Variants in NOL8 observed in about 807,000 individuals in gnomAD.
The protein encoded by NOL8 is nucleolar protein Nop132.
Under a neutral mutation model 116.1 loss-of-function variants are expected in NOL8, and 93 were observed. That is an observed-to-expected ratio of 0.80 (90% confidence interval 0.68 to 0.95). The LOEUF is 0.95. NOL8 is among the 40% of genes least tolerant of loss of function. The probability of loss-of-function intolerance (pLI) is 0.00; values close to 1 mark genes in which losing one functional copy is unlikely to be tolerated. For synonymous variants in NOL8, 419 were observed against 469.0 expected (o/e 0.89, Z 1.38); for missense variants, 1,291 against 1,382.8 (o/e 0.93, Z 1.05).
chr9:92,306,904 A>G lies in NOL8; in HGVS notation c.2807T>C (p.Val936Ala). The change falls in exon 11 of 17, where the codon GTA becomes GCA. Residue 936 changes from valine to alanine, a missense_variant. Coordinates refer to ENST00000442668, the MANE Select transcript of NOL8 (RefSeq NM_017948.6). ...AACATACTTAAATTTCTTAGCAGCT[A>G]CTGATCCTCTGTTTGTAGAATTGCT... ...NLSNSTNRGS[V>A]AAKKFKDIIH... 1.9e-6 allele frequency: 3 copies of G among 1,612,906 alleles called. No individual in the cohort carries two copies. The highest frequency in any genetic ancestry group is 2.5e-6 in the Non-Finnish European group (3 of 1,179,364).
At position 92,300,431 on chromosome 9, in the gene NOL8, A is replaced by T. The variant is rs1467439212; in HGVS notation, c.3176-415T>A. 2.4e-5 allele frequency: 24 copies of T among 988,390 alleles called. No individual in the cohort carries two copies. In the Admixed American group the frequency reaches 3.6e-4, roughly 15 times the overall value. The allele number at this position is 988,390 out of a possible 1,614,324, so 61.2% of individuals were successfully genotyped here. On this transcript the variant is annotated intron_variant, in intron 13 of 16. Transcript: ENST00000442668. ...TAAATGAGAAAAGGAATATATCTTT[A>T]CATTTTCAATACCCAAAACTTTTTG...
At chr9:92,318,515 C>CA (rs1234498847) in intron 6 of NOL8, 103 bp downstream of exon 6, 1 of 837,898 alleles carries the variant, frequency 1.2e-6, no homozygotes, top group Non-Finnish European at 1.9e-6. Context: ...AACACGCAAA[C>CA]AAACACCTAA....
intron 16 of NOL8, 141 bp from the exon 17 acceptor site, chr9:92,298,027 A>G (rs1480188925): frequency 1.3e-6 from 1 of 778,758 alleles, no homozygotes; most frequent in African/African-American, 1.8e-5. Flanking sequence ...AAGAGGGGAT[A>G]TTGGCATTTT....
intron 6 of NOL8, among the ~76,000 whole-genome samples, chr9:92,317,408 G>T (rs1402089354): frequency 3.9e-5 from 6 of 152,186 alleles, no homozygotes; most frequent in Non-Finnish European, 8.8e-5. Context: ...TGGAAAGCTG[G>T]AAAGTGGAAA....
Position 92,301,683 on chromosome 9 carries a change from G to C in NOL8, c.3043C>G (p.Pro1015Ala), listed in dbSNP as rs1837758011. The change falls in exon 13 of 17, where the codon CCC becomes GCC. Residue 1015 changes from proline to alanine, a missense_variant. Physicochemically the swap from Pro to Ala is conservative, Grantham distance 27. Transcript: ENST00000442668. ...KYTSEKEEGT[P>A]WNEDCGKEKP... Reference sequence around the variant, plus strand: ...TCTTTACCACAGTCCTCATTCCAGGGTGTGCCCTCTTCCTTTTCACTGGTA... The same window carrying C: ...TCTTTACCACAGTCCTCATTCCAGGCTGTGCCCTCTTCCTTTTCACTGGTA... 1 of 1,607,446 alleles carries C rather than the reference G, an allele frequency of 6.2e-7. No homozygotes were observed.
In NOL8 at chr9:92,315,094, G is replaced by C; in HGVS notation, c.1531C>G (p.Pro511Ala). Residue 511 changes from proline (P) to alanine (A), a missense_variant, in exon 7 of 17, where the codon CCA becomes GCA. Pro to Ala is a conservative substitution (Grantham distance 27). Transcript: ENST00000442668. ...VPNEDTKSDGPETTTQCKFDR... is the reference protein window; with the variant it reads ...VPNEDTKSDGAETTTQCKFDR... ...AACTTGCATTGGGTGGTGGTTTCTGGTCCATCACTCTTAGTATCTTCATTT... is the reference window on the plus strand; with the variant it reads ...AACTTGCATTGGGTGGTGGTTTCTGCTCCATCACTCTTAGTATCTTCATTT... 1 of 1,613,972 alleles carries C rather than the reference G, an allele frequency of 6.2e-7. No homozygotes were observed. The highest frequency in any genetic ancestry group is 8.5e-7 in the Non-Finnish European group (1 of 1,179,888).
At chr9:92,325,255 G>C (rs1646220131) in intron 1 of NOL8, 51 bp downstream of exon 1, 1 of 152,252 alleles carries the variant, frequency 6.6e-6, no homozygotes, top group Non-Finnish European at 1.5e-5. Flanking sequence ...GAAGTGAAGA[G>C]AGACTAGGAA....
Position 92,306,889 on chromosome 9 carries a change from A to C in NOL8, c.2822T>G (p.Phe941Cys). 6.2e-7 allele frequency: 1 copy of C among 1,611,336 alleles called. No individual in the cohort carries two copies. Among genetic ancestry groups the C allele is most frequent in the Non-Finnish European group, 8.5e-7 (1 of 1,178,802 alleles). ...TGGGATGGAACATAAAACATACTTA[A>C]ATTTCTTAGCAGCTACTGATCCTCT... ...TNRGSVAAKKFKDIIHYDPTK... is the reference protein window; with the variant it reads ...TNRGSVAAKKCKDIIHYDPTK... Residue 941 changes from phenylalanine to cysteine, a missense_variant, in exon 11 of 17, where the codon TTT (phenylalanine) becomes TGT (cysteine). By Grantham distance (205) the Phe-to-Cys change is radical. Transcript: ENST00000442668.
At chr9:92,298,185 C>T (rs1158663505) in intron 16 of NOL8, 72 bp downstream of exon 16, 42 of 1,173,638 alleles carry the variant, frequency 3.6e-5, no homozygotes, top group Middle Eastern at 3.8e-4. Flanking sequence ...TCATGAGTTC[C>T]CTTCCAGGAC....
chr9:92,299,892 A>G lies in NOL8; in HGVS notation c.3300T>C (p.Pro1100=), dbSNP rs1396511084. 1 of 1,613,044 alleles carries G rather than the reference A, an allele frequency of 6.2e-7. No homozygotes were observed. The change falls in exon 14 of 17, where the codon CCT becomes CCC. Residue 1100 remains proline (P), a splice_region_variant and synonymous_variant. Coordinates refer to ENST00000442668, the MANE Select transcript of NOL8 (RefSeq NM_017948.6). Reference sequence around the variant, plus strand: ...CTGCAAAGAAACAAATTGTTTACCCAGGACTGGAGTTTCTGTGATCTGTTT... The same window carrying G: ...CTGCAAAGAAACAAATTGTTTACCCGGGACTGGAGTTTCTGTGATCTGTTT... ...TEETDHRNSS[P]GEASLLEKET...
At chr9:92,312,851 A>G (rs893011328) in intron 7 of NOL8, among the ~76,000 whole-genome samples, 4 of 150,784 alleles carry the variant, frequency 2.7e-5, no homozygotes, top group Non-Finnish European at 5.9e-5. Context: ...AAAAAAAAGA[A>G]AAGAAAAACC....
intron 6 of NOL8, among the ~76,000 whole-genome samples, chr9:92,318,033 CAAAAAAAAAAAA>C (rs745928872): frequency 2.9e-5 from 1 of 34,612 alleles, no homozygotes; most frequent in East Asian, 9.9e-4. Flanking sequence ...GACTCCATCT[CAAAAAAAAAAAA>C]AAAAAAAAAA....
Position 92,314,353 on chromosome 9 carries a change from T to C in NOL8, c.2272A>G (p.Asn758Asp). 6.2e-7 allele frequency: 1 copy of C among 1,612,578 alleles called. No individual in the cohort carries two copies. Among genetic ancestry groups the C allele is most frequent in the Non-Finnish European group, 8.5e-7 (1 of 1,178,714 alleles). The stretch of plus-strand genomic sequence containing the variant: ...TCCAAGGCTGCCAAACGCTTCTCAT[T>C]GTCTTCAGCATGCTTATCTTTAGCA... ...VSAKDKHAED[N>D]EKRLAALEAR... The change falls in exon 7 of 17, where the codon AAT becomes GAT. Residue 758 changes from asparagine (N) to aspartate (D), a missense_variant. Asn to Asp is a conservative substitution (Grantham distance 23). Coordinates refer to ENST00000442668, the MANE Select transcript of NOL8 (RefSeq NM_017948.6).
chr9:92,318,618 T>C lies in NOL8; in HGVS notation c.486A>G (p.Lys162=), dbSNP rs369263281. 1.8e-5 allele frequency: 28 copies of C among 1,597,844 alleles called. No homozygotes were observed. Among genetic ancestry groups the C allele is most frequent in the African/African-American group, 2.7e-5 (2 of 74,306 alleles). The change falls in exon 6 of 17, where the codon AAA becomes AAG. Residue 162 remains lysine (K), a splice_region_variant and synonymous_variant. Transcript: ENST00000442668. ...VLHLKNQHKR[K]IIKYDPSKYC... is the part of the protein sequence containing the mutation. ...ATTATGTTGAGAGGCCAAAGGATAT[T>C]TTACGTTTATGTTGATTTTTAAGGT...
rs35121624 is a variant in NOL8 at position 92,297,891 on chromosome 9, G to GA, written c.3454-6dup. 4,432 of 1,351,302 alleles carry GA rather than the reference G, an allele frequency of 3.3e-3. 1 individual carries two copies. The highest frequency in any genetic ancestry group is 5.2e-3 in the Admixed American group (206 of 39,574). 83.7% of individuals were successfully genotyped at this position (1,351,302 alleles called of 1,614,324 possible). A position where few individuals can be genotyped will look rare whatever the true frequency, so the allele number is the denominator to read the frequency against. On this transcript the variant is annotated splice_region_variant and splice_polypyrimidine_tract_variant and intron_variant, in intron 16 of 16. Coordinates refer to ENST00000442668, the MANE Select transcript of NOL8 (RefSeq NM_017948.6). ...TTTATGTTTCTTTCGACAATCCTAGGAAAAAAAAAAGACTTGGTTAGCAAT... is the reference window on the plus strand; with the variant it reads ...TTTATGTTTCTTTCGACAATCCTAGGAAAAAAAAAAAGACTTGGTTAGCAAT...
chr9:92,314,294 C>T lies in NOL8; in HGVS notation c.2331G>A (p.Lys777=), dbSNP rs756208415. The T allele has an allele frequency of 3.8e-6, 6 of 1,590,910 alleles. No homozygotes were observed. The East Asian group carries it at 1.4e-4, about 36-fold the overall frequency. Residue 777 remains lysine, a synonymous_variant, in exon 7 of 17, where the codon AAG becomes AAA. Transcript: ENST00000442668. ...ARQKAKEVQK[K]LVHNALANLD... is the part of the protein sequence containing the mutation. ...AATTTGCCAGAGCATTATGCACCAGCTTCTTCTGCACTTCTTTTGCTTTTT... is the reference window on the plus strand; with the variant it reads ...AATTTGCCAGAGCATTATGCACCAGTTTCTTCTGCACTTCTTTTGCTTTTT...
In NOL8 at chr9:92,314,723, C is replaced by T. The variant is rs1456669184; in HGVS notation, c.1902G>A (p.Lys634=). 3.7e-6 allele frequency: 6 copies of T among 1,613,706 alleles called. No homozygotes were observed. In the East Asian group the frequency reaches 1.3e-4, roughly 36 times the overall value. The change falls in exon 7 of 17, where the codon AAG becomes AAA. Residue 634 remains lysine (K), a synonymous_variant. Coordinates refer to ENST00000442668, the MANE Select transcript of NOL8 (RefSeq NM_017948.6). ...GAATATAGTTTGGGCCATTCGCCTT[C>T]TTTGCATGTTGGCATGGAGTCACTT... The part of the protein sequence containing the change: ...LGEVTPCQHA[K]KANGPNYIQP...
chr9:92,319,714 C>T (rs1020920292), intron 4 of NOL8, among the ~76,000 whole-genome samples: 2 of 152,182 alleles, frequency 1.3e-5, no homozygotes, highest in African/African-American at 4.8e-5. Flanking sequence ...CATTTATCAA[C>T]TTATACGTTC....
rs765082856 is a variant in NOL8 at position 92,298,903 on chromosome 9, C to A, written c.3354G>T (p.Lys1118Asn). The change falls in exon 15 of 17, where the codon AAG becomes AAT. Residue 1118 changes from lysine to asparagine, a missense_variant. Physicochemically the swap from Lys to Asn is moderately conservative, Grantham distance 94. Coordinates refer to ENST00000442668, the MANE Select transcript of NOL8 (RefSeq NM_017948.6). The stretch of plus-strand genomic sequence containing the variant: ...ACTGACCTTGAAGTCGTTCATCATT[C>A]TTAGAGAAAAAGAAAAATCTAGTGG... ...KETTRFFFFS[K>N]NDERLQGSDL... 1.7e-5 allele frequency: 26 copies of A among 1,536,718 alleles called. No individual in the cohort carries two copies. The highest frequency in any genetic ancestry group is 2.5e-5 in the South Asian group (2 of 81,298).
Sources: allele counts gnomAD v4.1 joint callset (sites outside exome capture counted in the v4.1 genomes callset), GRCh38; gene constraint gnomAD v4.1.1; transcripts MANE v1.5; gene names NCBI Gene and HGNC (gene_info 2026-07-23, HGNC 2026-07-21).